Variants in SLMAP observed in about 807,000 individuals in gnomAD.
The protein encoded by SLMAP is sarcolemma associated protein.
In SLMAP, 44 loss-of-function variants were observed where a neutral mutation model predicts 128.8. The ratio of observed to expected loss-of-function variants is 0.34; its 90% CI spans 0.27 to 0.44. The LOEUF is 0.44. SLMAP is among the 20% of genes least tolerant of loss of function. The pLI, the probability that SLMAP is intolerant of heterozygous loss-of-function variation, is 1.00. For missense variants in SLMAP, 787 were observed against 985.3 expected, an observed-to-expected ratio of 0.80 and a Z score of 2.69; for synonymous variants, 327 against 348.8, an observed-to-expected ratio of 0.94 and a Z score of 0.70.
At chr3:57,856,930 G>A (rs182339204) in intron 6 of SLMAP, among the ~76,000 whole-genome samples, 7 of 152,188 alleles carry the variant, frequency 4.6e-5, no homozygotes, top group African/African-American at 1.7e-4. Context: ...CAGCTTCATT[G>A]TAATTTTTGG....
chr3:57,888,543 G>T (rs774926590), intron 14 of SLMAP, among the ~76,000 whole-genome samples: 2 of 151,948 alleles, frequency 1.3e-5, no homozygotes, highest in African/African-American at 2.4e-5. Flanking sequence ...TTTGAACCCG[G>T]GAGGCAGAGG....
At chr3:57,900,274 A>G (rs2096345551) in intron 17 of SLMAP, 1 of 152,226 alleles carries the variant, frequency 6.6e-6, no homozygotes, top group African/African-American at 2.4e-5. Context: ...CAAGGAAAAT[A>G]ATAATAAACA....
intron 2 of SLMAP, among the ~76,000 whole-genome samples, chr3:57,812,329 A>G (rs1437226647): frequency 2.0e-5 from 3 of 152,308 alleles, no homozygotes; most frequent in East Asian, 1.9e-4. Context: ...TGAAAAGACT[A>G]TTCTTTCCCA....
intron 8 of SLMAP, among the ~76,000 whole-genome samples, chr3:57,859,993 T>G (rs1356145310): frequency 6.6e-6 from 1 of 152,060 alleles, no homozygotes; most frequent in Non-Finnish European, 1.5e-5. Flanking sequence ...GGCCATGAAG[T>G]GTTTTCTCAC....
intron 2 of SLMAP, among the ~76,000 whole-genome samples, chr3:57,804,832 G>A (rs2089459258): frequency 6.6e-6 from 1 of 152,154 alleles, no homozygotes; most frequent in Admixed American, 6.5e-5. Context: ...TCCTATCACT[G>A]TAAATGATCT....
chr3:57,919,140 A>G (rs528051831), intron 22 of SLMAP, among the ~76,000 whole-genome samples: 2 of 152,296 alleles, frequency 1.3e-5, no homozygotes, highest in South Asian at 4.1e-4. Flanking sequence ...CAGCACTTTT[A>G]GAGGCCAAGG....
intron 22 of SLMAP, among the ~76,000 whole-genome samples, chr3:57,921,687 T>C (rs571626255): frequency 6.6e-6 from 1 of 152,326 alleles, no homozygotes; most frequent in South Asian, 2.1e-4. Context: ...TTAAAATGAC[T>C]TAGTTGATAA....
rs757955967 is a variant in SLMAP at position 57,917,186 on chromosome 3, G to T, written c.2310+109G>T. 10 of 1,556,154 alleles carry T rather than the reference G, an allele frequency of 6.4e-6. No individual in the cohort carries two copies. The Admixed American group carries it at 1.9e-4, about 30-fold the overall frequency. On this transcript the variant is annotated intron_variant, in intron 22 of 24. Transcript: ENST00000671191. ...AAGGGAAGCAGAAGTCACATTACCTGTCACAAAATTGATACTTGGAACATC... is the reference window on the plus strand; with the variant it reads ...AAGGGAAGCAGAAGTCACATTACCTTTCACAAAATTGATACTTGGAACATC...
chr3:57,840,499 A>C (rs2093882231), intron 3 of SLMAP, among the ~76,000 whole-genome samples: 1 of 152,220 alleles, frequency 6.6e-6, no homozygotes, highest in Admixed American at 6.5e-5. Flanking sequence ...GAAATAAAAA[A>C]CCGTCAACCT....
At chr3:57,905,679 C>T (rs2096516970) in intron 17 of SLMAP, among the ~76,000 whole-genome samples, 1 of 152,080 alleles carries the variant, frequency 6.6e-6, no homozygotes, top group East Asian at 1.9e-4. Context: ...TTTATTTGAG[C>T]CTTTTTAGAA....
At position 57,757,432 on chromosome 3, in the gene SLMAP, A is replaced by G. The variant is rs1482909508; in HGVS notation, c.-220A>G. 19 of 582,928 alleles carry G rather than the reference A, an allele frequency of 3.3e-5. No homozygotes were observed. Among genetic ancestry groups the G allele is most frequent in the Admixed American group, 2.1e-4 (7 of 33,162 alleles). The allele number at this position is 582,928 out of a possible 1,614,324, so 36.1% of individuals were successfully genotyped here. ...TGCCAGTTGGGGACTTTTTGTGATC[A>G]CGGCGTTGCAGCGTTTTAAAGGAGG... On this transcript the variant is annotated 5_prime_UTR_variant, in exon 2 of 25. Coordinates refer to ENST00000671191, the MANE Select transcript of SLMAP (RefSeq NM_001377540.1).
intron 2 of SLMAP, among the ~76,000 whole-genome samples, chr3:57,802,915 CA>C (rs1272605967): frequency 1.3e-5 from 2 of 151,866 alleles, no homozygotes; most frequent in East Asian, 3.9e-4. Context: ...TACTTAGCCA[CA>C]AAAAAAGTTT....
intron 2 of SLMAP, among the ~76,000 whole-genome samples, chr3:57,805,623 C>A (rs2089654406): frequency 6.6e-6 from 1 of 152,136 alleles, no homozygotes; most frequent in African/African-American, 2.4e-5. Flanking sequence ...TAGTCTGGTA[C>A]TCTTCAAGGT....
chr3:57,828,202 AC>A (rs2153541358), intron 2 of SLMAP, among the ~76,000 whole-genome samples: 1 of 152,192 alleles, frequency 6.6e-6, no homozygotes, highest in South Asian at 2.1e-4. Context: ...CAGGTGATCC[AC>A]CCGCTTTGGC....
intron 6 of SLMAP, among the ~76,000 whole-genome samples, chr3:57,853,384 G>A (rs967564830): frequency 1.3e-5 from 2 of 152,150 alleles, no homozygotes; most frequent in Non-Finnish European, 2.9e-5. Context: ...GATGTGGAGA[G>A]CAATAAATTA....
At chr3:57,898,670 G>A (rs887187529) in intron 17 of SLMAP, 2 of 152,116 alleles carry the variant, frequency 1.3e-5, no homozygotes, top group Non-Finnish European at 2.9e-5. Flanking sequence ...CACAATGCAG[G>A]TATTCAGTAA....
chr3:57,865,710 A>T (rs182762657), intron 13 of SLMAP, among the ~76,000 whole-genome samples: 1 of 152,312 alleles, frequency 6.6e-6, no homozygotes, highest in East Asian at 1.9e-4. Flanking sequence ...TACTTTGTTT[A>T]TCCATCTGTT....
At chr3:57,787,138 T>C (rs2084376799) in intron 2 of SLMAP, among the ~76,000 whole-genome samples, 3 of 152,218 alleles carry the variant, frequency 2.0e-5, no homozygotes, top group African/African-American at 7.2e-5. Context: ...ATAAGTTAAA[T>C]TGCTTGTGTC....
chr3:57,793,446 TA>T (rs1255140274), intron 2 of SLMAP, among the ~76,000 whole-genome samples: 2 of 152,208 alleles, frequency 1.3e-5, no homozygotes, highest in Non-Finnish European at 2.9e-5. Flanking sequence ...CTATAATTGA[TA>T]AAAGTTTCTG....
Sources: allele counts gnomAD v4.1 joint callset (sites outside exome capture counted in the v4.1 genomes callset), GRCh38; gene constraint gnomAD v4.1.1; transcripts MANE v1.5; gene names NCBI Gene and HGNC (gene_info 2026-07-23, HGNC 2026-07-21).